Variants in CNTN4 observed in about 807,000 individuals in gnomAD.
CNTN4 encodes contactin-4.
Under a neutral mutation model 122.5 loss-of-function variants are expected in CNTN4, and 77 were observed. That is an observed-to-expected ratio of 0.63 (90% CI 0.52 to 0.76). The LOEUF is 0.76. Ranked by LOEUF, CNTN4 falls within the 30% of genes least tolerant of loss-of-function variation. CNTN4 has a pLI of 0.00. For missense variants in CNTN4, 1,256 were observed against 1,259.1 expected (o/e 1.00, Z 0.04); for synonymous variants, 512 against 447.0 (o/e 1.15, Z -1.83).
At chr3:2,847,558 C>A (rs1349206884) in intron 7 of CNTN4, among the ~76,000 whole-genome samples, 1 of 152,176 alleles carries the variant, frequency 6.6e-6, no homozygotes, top group Non-Finnish European at 1.5e-5. Flanking sequence ...TGTGCCAGAC[C>A]TTAGCCCCGG....
intron 14 of CNTN4, among the ~76,000 whole-genome samples, chr3:2,998,555 G>A (rs559047968): frequency 3.9e-4 from 59 of 151,918 alleles, no homozygotes; most frequent in Non-Finnish European, 6.6e-4. Context: ...TGTGTTCAAA[G>A]TACAGAAGGA....
chr3:2,342,213 G>A (rs2044235953), intron 3 of CNTN4, among the ~76,000 whole-genome samples: 1 of 152,100 alleles, frequency 6.6e-6, no homozygotes, highest in Non-Finnish European at 1.5e-5. Flanking sequence ...TCTGTAAAAT[G>A]GAGACTGTGA....
intron 6 of CNTN4, among the ~76,000 whole-genome samples, chr3:2,818,661 A>G (rs796901854): frequency 1.4e-4 from 21 of 152,366 alleles, no homozygotes; most frequent in African/African-American, 5.0e-4. Flanking sequence ...TCACTTTATT[A>G]GACATATTTC....
intron 7 of CNTN4, among the ~76,000 whole-genome samples, chr3:2,824,245 T>C (rs905456054): frequency 2.6e-5 from 4 of 151,446 alleles, no homozygotes; most frequent in Non-Finnish European, 5.9e-5. Flanking sequence ...GTGGATCACT[T>C]GAGGTCAGGA....
intron 3 of CNTN4, among the ~76,000 whole-genome samples, chr3:2,360,211 A>T (rs1316019150): frequency 6.6e-6 from 1 of 152,200 alleles, no homozygotes; most frequent in Non-Finnish European, 1.5e-5. Context: ...TTGCAAGAGA[A>T]ATCTATTCTG....
chr3:2,673,927 C>G (rs960338096), intron 4 of CNTN4, among the ~76,000 whole-genome samples: 1 of 152,234 alleles, frequency 6.6e-6, no homozygotes, highest in East Asian at 1.9e-4. Context: ...GGAGGCCAGT[C>G]TTGCCTACCA....
chr3:2,595,463 A>C (rs2080723933), intron 4 of CNTN4, among the ~76,000 whole-genome samples: 1 of 152,134 alleles, frequency 6.6e-6, no homozygotes, highest in African/African-American at 2.4e-5. Context: ...AATCTTCCAC[A>C]TCCCACCTAA....
At chr3:2,618,520 T>A (rs2081868159) in intron 4 of CNTN4, among the ~76,000 whole-genome samples, 1 of 152,140 alleles carries the variant, frequency 6.6e-6, no homozygotes, top group Admixed American at 6.6e-5. Flanking sequence ...ACACACTCAC[T>A]TCATTTTTAC....
At chr3:2,368,085 T>C (rs976701150) in intron 3 of CNTN4, among the ~76,000 whole-genome samples, 2 of 142,026 alleles carry the variant, frequency 1.4e-5, no homozygotes, top group African/African-American at 5.4e-5. Context: ...CAGGCTGGAG[T>C]GCAGTGGCGC....
At chr3:2,463,085 T>C (rs2049289147) in intron 3 of CNTN4, among the ~76,000 whole-genome samples, 1 of 152,174 alleles carries the variant, frequency 6.6e-6, no homozygotes, top group Non-Finnish European at 1.5e-5. Flanking sequence ...GGTGTCTTTT[T>C]ACCTTTATTT....
intron 2 of CNTN4, among the ~76,000 whole-genome samples, chr3:2,186,340 T>G (rs374738222): frequency 6.6e-6 from 1 of 152,206 alleles, no homozygotes; most frequent in Non-Finnish European, 1.5e-5. Context: ...TTGATGGACA[T>G]TTGGGTTGGT....
intron 4 of CNTN4, among the ~76,000 whole-genome samples, chr3:2,610,845 GCA>G (rs2081451321): frequency 6.6e-6 from 1 of 152,082 alleles, no homozygotes; most frequent in South Asian, 2.1e-4. Flanking sequence ...AAAAAGAAAT[GCA>G]CAGTTTTCCA....
intron 3 of CNTN4, among the ~76,000 whole-genome samples, chr3:2,421,192 T>C (rs2047601728): frequency 6.6e-6 from 1 of 152,002 alleles, no homozygotes; most frequent in Non-Finnish European, 1.5e-5. Context: ...AATGCCTTCT[T>C]GTGAGGCATT....
chr3:2,640,254 A>T (rs2082842577), intron 4 of CNTN4, among the ~76,000 whole-genome samples: 1 of 152,226 alleles, frequency 6.6e-6, no homozygotes, highest in Non-Finnish European at 1.5e-5. Context: ...AAACACCAAC[A>T]TATTATACAT....
chr3:2,667,956 T>G (rs2084269908), intron 4 of CNTN4, among the ~76,000 whole-genome samples: 1 of 152,114 alleles, frequency 6.6e-6, no homozygotes, highest in African/African-American at 2.4e-5. Flanking sequence ...TCTATATGTC[T>G]GTTTTGGTAC....
chr3:2,291,078 G>A (rs985713940), intron 2 of CNTN4, among the ~76,000 whole-genome samples: 1 of 152,022 alleles, frequency 6.6e-6, no homozygotes, highest in African/African-American at 2.4e-5. Flanking sequence ...TTGAATAACT[G>A]CATCTGTCCA....
intron 6 of CNTN4, among the ~76,000 whole-genome samples, chr3:2,782,032 A>G (rs572185789): frequency 2.6e-5 from 4 of 152,092 alleles, no homozygotes; most frequent in African/African-American, 9.6e-5. Flanking sequence ...AAACAATATA[A>G]AGGAATGTCT....
intron 13 of CNTN4, among the ~76,000 whole-genome samples, chr3:2,946,201 A>G (rs2094676419): frequency 1.3e-5 from 2 of 152,144 alleles, no homozygotes; most frequent in Non-Finnish European, 2.9e-5. Context: ...ACTGATTGTC[A>G]GAGGAAGTGG....
Position 2,622,564 on chromosome 3 carries a change from C to G in CNTN4, c.55+51006C>G, listed in dbSNP as rs1396257084. Among the ~76,000 whole-genome samples, 4 of 152,140 alleles carry G rather than the reference C, an allele frequency of 2.6e-5. No homozygotes were observed. The South Asian group carries it at 6.2e-4, about 24-fold the overall frequency. ...TTGCTGGGATTACAGGTGTGAGCCA[C>G]CACGCTCAGCTGGACAAGCAAGTTT... On this transcript the variant is annotated intron_variant, in intron 4 of 24. Transcript: ENST00000418658.
Sources: allele counts gnomAD v4.1 joint callset (sites outside exome capture counted in the v4.1 genomes callset), GRCh38; gene constraint gnomAD v4.1.1; transcripts MANE v1.5; gene names NCBI Gene and HGNC (gene_info 2026-07-23, HGNC 2026-07-21).